ZNF366: variants seen among roughly 807,000 people sequenced by gnomAD.
The protein encoded by ZNF366 is dendritic cell-specific transcript protein.
A neutral mutation model predicts 47.2 loss-of-function variants in ZNF366; 20 were observed. That is an observed-to-expected ratio of 0.42 (90% confidence interval 0.30 to 0.62). ZNF366 has a LOEUF of 0.62. Ranked by LOEUF, ZNF366 falls within the 20% of genes least tolerant of loss-of-function variation. ZNF366 has a pLI of 0.16. For synonymous variants in ZNF366, 421 were observed against 395.1 expected (o/e 1.07, Z -0.78); for missense variants, 987 against 976.3 (o/e 1.01, Z -0.15).
chr5:72,465,231 C>T (rs1743405649), intron 1 of ZNF366, among the ~76,000 whole-genome samples: 1 of 152,056 alleles, frequency 6.6e-6, no homozygotes. Context: ...CCTTGGCCTG[C>T]TTGAAAGAGA....
chr5:72,468,804 C>G (rs999499005), intron 1 of ZNF366, among the ~76,000 whole-genome samples: 3 of 152,066 alleles, frequency 2.0e-5, no homozygotes, highest in Non-Finnish European at 4.4e-5. Context: ...TATCTCTGTC[C>G]TCGTGACCCA....
At chr5:72,450,941 G>T (rs1307099972) in intron 3 of ZNF366, among the ~76,000 whole-genome samples, 1 of 152,308 alleles carries the variant, frequency 6.6e-6, no homozygotes, top group South Asian at 2.1e-4. Context: ...TGAGCCCCAA[G>T]CAGAATTGTC....
intron 3 of ZNF366, among the ~76,000 whole-genome samples, chr5:72,451,043 T>C (rs906029830): frequency 6.6e-6 from 1 of 152,234 alleles, no homozygotes; most frequent in Admixed American, 6.5e-5. Flanking sequence ...AAAGCAGCCA[T>C]TGAAGTCAAG....
Position 72,441,986 on chromosome 5 carries a change from C to G in ZNF366, c.*1770G>C, listed in dbSNP as rs1742862374. 6.6e-6 allele frequency: 1 copy of G among 152,212 alleles called. No individual in the cohort carries two copies. The highest frequency in any genetic ancestry group is 2.1e-4 in the South Asian group (1 of 4,832). The allele number at this position is 152,212 out of a possible 1,614,324, so 9.4% of individuals were successfully genotyped here. ...CCCACCCAATAGAGTCATTTCCACT[C>G]ACTGGCATCATGGTTCAAGCATCTG... On this transcript the variant is annotated 3_prime_UTR_variant, in exon 5 of 5. Transcript: ENST00000318442.
chr5:72,448,741 A>C (rs1743006061), intron 3 of ZNF366, among the ~76,000 whole-genome samples: 1 of 152,150 alleles, frequency 6.6e-6, no homozygotes. Context: ...ATTTTTATTA[A>C]TGAAGGCAAT....
chr5:72,457,075 A>G (rs1393468704), intron 2 of ZNF366, among the ~76,000 whole-genome samples: 1 of 152,152 alleles, frequency 6.6e-6, no homozygotes, highest in African/African-American at 2.4e-5. Context: ...ACTTATATCC[A>G]CACTGCAGTA....
Position 72,460,916 on chromosome 5 carries a change from G to A in ZNF366, c.581C>T (p.Ser194Leu). Residue 194 changes from serine to leucine, a missense_variant, in exon 2 of 5, where the codon TCG becomes TTG. Physicochemically the swap from Ser to Leu is moderately radical, Grantham distance 145. Transcript: ENST00000318442. ...GGTGTGCCGGCTGAAGGGGAAGGGC[G>A]AGGACGAGGGCACGAAGAAGGGGAA... ...LMFPFFVPSS[S>L]PFPFSRHTFL... is the part of the protein sequence containing the mutation. 1.2e-6 allele frequency: 2 copies of A among 1,612,392 alleles called. No individual in the cohort carries two copies. The highest frequency in any genetic ancestry group is 1.1e-5 in the South Asian group (1 of 91,004).
rs1311892370 is a variant in ZNF366 at position 72,455,830 on chromosome 5, C to T, written c.1524+574G>A. On this transcript the variant is annotated intron_variant, in intron 3 of 4. Transcript: ENST00000318442. ...CTGTGCTCGCAGTTATTCCACAGCC[C>T]CAGCAAGCATTTCTGAGGGCCTCTG... is the stretch of plus-strand genomic sequence containing the variant. 5.3e-5 allele frequency among the ~76,000 whole-genome samples: 8 copies of T among 152,308 alleles called. No homozygotes were observed. In the East Asian group the frequency reaches 1.5e-3, roughly 29 times the overall value.
chr5:72,460,659 G>T lies in ZNF366; in HGVS notation c.838C>A (p.Pro280Thr). Residue 280 changes from proline (P) to threonine (T), a missense_variant, in exon 2 of 5, where the codon CCG becomes ACG. Physicochemically the swap from Pro to Thr is conservative, Grantham distance 38. Transcript: ENST00000318442. ...TTCCCGCAGTGCGTGCACGCGTGCG[G>T]CTTGATCCCACTGTGGCCCAGGATG... ...THILGHSGIK[P>T]HACTHCGKLF... 6.2e-7 allele frequency: 1 copy of T among 1,614,230 alleles called. No homozygotes were observed. The highest frequency in any genetic ancestry group is 8.5e-7 in the Non-Finnish European group (1 of 1,180,030).
intron 1 of ZNF366, chr5:72,472,612 A>G (rs543161646): frequency 2.1e-6 from 2 of 964,890 alleles, no homozygotes; most frequent in Admixed American, 1.2e-4. Flanking sequence ...CCTTGAAATA[A>G]AGAAGAATCG....
At chr5:72,472,177 G>A (rs1175495058) in intron 1 of ZNF366, among the ~76,000 whole-genome samples, 1 of 152,156 alleles carries the variant, frequency 6.6e-6, no homozygotes, top group African/African-American at 2.4e-5. Context: ...CAAAAACTAG[G>A]TTCAAGGAAC....
chr5:72,507,286 C>T lies in ZNF366; in HGVS notation c.-50G>A. On this transcript the variant is annotated 5_prime_UTR_variant, in exon 1 of 5. In the 5' UTR this introduces an upstream ATG that the reference lacks. Coordinates refer to ENST00000318442, the MANE Select transcript of ZNF366 (RefSeq NM_152625.3). ...GGTCTGAATGGCTGCAGCAGCCCCACTCCTTTACCTGATCCCTGCTCTCTC... is the reference window on the plus strand; with the variant it reads ...GGTCTGAATGGCTGCAGCAGCCCCATTCCTTTACCTGATCCCTGCTCTCTC... 2 of 985,552 alleles carry T rather than the reference C, an allele frequency of 2.0e-6. No homozygotes were observed. The highest frequency in any genetic ancestry group is 2.4e-6 in the Non-Finnish European group (2 of 830,038). The allele number at this position is 985,552 out of a possible 1,614,324, so 61.1% of individuals were successfully genotyped here. A position where few individuals can be genotyped will look rare whatever the true frequency, so the allele number is the denominator to read the frequency against.
At chr5:72,456,164 C>T (rs1289961796) in intron 3 of ZNF366, among the ~76,000 whole-genome samples, 2 of 152,198 alleles carry the variant, frequency 1.3e-5, no homozygotes, top group African/African-American at 4.8e-5. Flanking sequence ...GGCTCTACCC[C>T]TGGGCATGGA....
chr5:72,505,255 G>T (rs1744297298), intron 1 of ZNF366, among the ~76,000 whole-genome samples: 1 of 152,216 alleles, frequency 6.6e-6, no homozygotes, highest in Non-Finnish European at 1.5e-5. Flanking sequence ...GGCGGTGAGT[G>T]AGTAAAGATA....
intron 1 of ZNF366, among the ~76,000 whole-genome samples, chr5:72,505,449 G>T (rs1744302344): frequency 1.3e-5 from 2 of 152,146 alleles, no homozygotes; most frequent in Admixed American, 1.3e-4. Flanking sequence ...TTAATCTCAA[G>T]CCATAGTCAT....
At chr5:72,489,893 G>A (rs1223979654) in intron 1 of ZNF366, among the ~76,000 whole-genome samples, 1 of 152,340 alleles carries the variant, frequency 6.6e-6, no homozygotes, top group East Asian at 1.9e-4. Context: ...CCACAATGCA[G>A]CAGCATCATG....
intron 1 of ZNF366, among the ~76,000 whole-genome samples, chr5:72,472,881 A>C (rs1171913418): frequency 6.6e-6 from 1 of 152,116 alleles, no homozygotes; most frequent in Non-Finnish European, 1.5e-5. Context: ...GAACCACACA[A>C]TATCAAAGTG....
chr5:72,463,857 C>T (rs1743381483), intron 1 of ZNF366, among the ~76,000 whole-genome samples: 1 of 152,202 alleles, frequency 6.6e-6, no homozygotes, highest in East Asian at 1.9e-4. Flanking sequence ...GAATTTGTTG[C>T]ATCTATAAAA....
chr5:72,446,424 T>G (rs945717955), intron 4 of ZNF366, among the ~76,000 whole-genome samples: 2 of 152,250 alleles, frequency 1.3e-5, no homozygotes, highest in Admixed American at 1.3e-4. Flanking sequence ...TTCACTGCTT[T>G]GGACACAAGT....
Sources: allele counts gnomAD v4.1 joint callset (sites outside exome capture counted in the v4.1 genomes callset), GRCh38; gene constraint gnomAD v4.1.1; transcripts MANE v1.5; gene names NCBI Gene and HGNC (gene_info 2026-07-23, HGNC 2026-07-21).